Variants in PDE10A observed in about 807,000 individuals in gnomAD.
PDE10A encodes cAMP and cAMP-inhibited cGMP 3',5'-cyclic phosphodiesterase 10A.
PDE10A carries 39 observed loss-of-function variants against 97.7 expected under a neutral mutation model. That is an observed-to-expected ratio of 0.40 (90% CI 0.31 to 0.52). The LOEUF is 0.52. Ranked by LOEUF, PDE10A falls within the 20% of genes least tolerant of loss-of-function variation. The pLI is 0.56. For missense variants in PDE10A, 731 were observed against 1,047.8 expected (o/e 0.70, Z 4.17); for synonymous variants, 371 against 376.8 (o/e 0.98, Z 0.18).
chr6:165,758,862 A>T (rs768668934), intron 1 of PDE10A, among the ~76,000 whole-genome samples: 33 of 152,248 alleles, frequency 2.2e-4, no homozygotes, highest in Non-Finnish European at 4.0e-4. Context: ...ATGCATGCTC[A>T]TTTTTGCTTT....
Position 165,551,632 on chromosome 6 carries a change from G to A in PDE10A, c.866-8064C>T, listed in dbSNP as rs145434411. ...GGGTTGGAATGAAGATATAAGCCCA[G>A]GATGTCAGCTCTTAAGGCCAGACTG... On this transcript the variant is annotated intron_variant, in intron 1 of 21. Coordinates refer to ENST00000539869, the MANE Select transcript of PDE10A (RefSeq NM_001385079.1). Among the ~76,000 whole-genome samples the A allele has an allele frequency of 5.0e-3, 759 of 152,292 alleles. 8 individuals are homozygous for A. Among genetic ancestry groups the A allele is most frequent in the African/African-American group, 0.018 (731 of 41,564 alleles).
intron 3 of PDE10A, among the ~76,000 whole-genome samples, chr6:165,471,968 T>C (rs1054346938): frequency 1.3e-5 from 2 of 152,200 alleles, no homozygotes; most frequent in African/African-American, 2.4e-5. Flanking sequence ...AATACACTAA[T>C]TTTTGTGTCA....
intron 2 of PDE10A, among the ~76,000 whole-genome samples, chr6:165,494,343 A>T (rs777450277): frequency 3.9e-5 from 6 of 151,972 alleles, no homozygotes; most frequent in Non-Finnish European, 8.8e-5. Flanking sequence ...AAAAGAGGTC[A>T]TTATAGAAAA....
At chr6:165,483,507 A>T (rs907208574) in intron 2 of PDE10A, among the ~76,000 whole-genome samples, 3 of 152,164 alleles carry the variant, frequency 2.0e-5, no homozygotes, top group African/African-American at 7.2e-5. Flanking sequence ...TATTTCATTT[A>T]CTCTTCAACT....
At chr6:165,948,966 A>G (rs942320629) in intron 1 of PDE10A, 4 of 152,256 alleles carry the variant, frequency 2.6e-5, no homozygotes. Context: ...CCAGGAAGCC[A>G]TCGCATCTGT....
intron 1 of PDE10A, among the ~76,000 whole-genome samples, chr6:165,870,293 C>T (rs1030900508): frequency 6.6e-6 from 1 of 152,018 alleles, no homozygotes; most frequent in Non-Finnish European, 1.5e-5. Context: ...GGGCAAAGGA[C>T]CTGAATAAAT....
At chr6:165,816,919 G>C (rs529442203) in intron 1 of PDE10A, among the ~76,000 whole-genome samples, 13 of 152,238 alleles carry the variant, frequency 8.5e-5, no homozygotes, top group African/African-American at 3.1e-4. Context: ...TGATGGGTGC[G>C]GCACACTTAA....
intron 1 of PDE10A, among the ~76,000 whole-genome samples, chr6:165,574,158 T>C (rs1438559380): frequency 3.9e-5 from 6 of 152,114 alleles, no homozygotes; most frequent in African/African-American, 9.7e-5. Context: ...GTGAGTCTTT[T>C]AAAGGGGTGT....
At chr6:165,679,772 G>A (rs1315600236) in intron 1 of PDE10A, among the ~76,000 whole-genome samples, 1 of 152,128 alleles carries the variant, frequency 6.6e-6, no homozygotes, top group African/African-American at 2.4e-5. Flanking sequence ...AGATTTCCTG[G>A]GTCTAATTTA....
chr6:165,734,910 C>G (rs895968119), intron 1 of PDE10A, among the ~76,000 whole-genome samples: 1 of 151,968 alleles, frequency 6.6e-6, no homozygotes, highest in African/African-American at 2.4e-5. Flanking sequence ...CATTCGGATT[C>G]TGTATTAGGA....
At chr6:165,451,642 C>T (rs915912749) in intron 3 of PDE10A, among the ~76,000 whole-genome samples, 2 of 152,186 alleles carry the variant, frequency 1.3e-5, no homozygotes, top group Non-Finnish European at 2.9e-5. Context: ...AGGTCTATTA[C>T]TTGCTGTTTT....
chr6:165,696,023 G>A (rs763654510), intron 1 of PDE10A, among the ~76,000 whole-genome samples: 12 of 152,004 alleles, frequency 7.9e-5, no homozygotes, highest in Non-Finnish European at 1.2e-4. Flanking sequence ...CAGTACTAAT[G>A]TCACCCCAGG....
intron 1 of PDE10A, among the ~76,000 whole-genome samples, chr6:165,654,356 C>A (rs1789831258): frequency 6.6e-6 from 1 of 152,140 alleles, no homozygotes; most frequent in South Asian, 2.1e-4. Flanking sequence ...CAACCCCACC[C>A]CTGCTTCCCC....
intron 1 of PDE10A, among the ~76,000 whole-genome samples, chr6:165,741,297 T>G (rs887453390): frequency 2.0e-5 from 3 of 152,154 alleles, no homozygotes; most frequent in Non-Finnish European, 2.9e-5. Flanking sequence ...ATAAAGAAAC[T>G]GGATATATGT....
chr6:165,374,804 G>C (rs1312403707), intron 18 of PDE10A, among the ~76,000 whole-genome samples: 2 of 149,554 alleles, frequency 1.3e-5, no homozygotes, highest in Non-Finnish European at 3.0e-5. Flanking sequence ...CTTGGGTACA[G>C]CAATATCGGC....
intron 2 of PDE10A, among the ~76,000 whole-genome samples, chr6:165,523,359 A>G (rs1359282465): frequency 6.6e-6 from 1 of 152,162 alleles, no homozygotes; most frequent in Non-Finnish European, 1.5e-5. Context: ...ACACTATCCA[A>G]TTTCAAACTA....
At chr6:165,668,029 C>G (rs1453921206), upstream of PDE10A, among the ~76,000 whole-genome samples, 3 of 152,152 alleles carry the variant, frequency 2.0e-5, no homozygotes, top group Non-Finnish European at 4.4e-5. Context: ...ACAATGAGTT[C>G]TGTTTAAATA....
intron 4 of PDE10A, among the ~76,000 whole-genome samples, chr6:165,449,263 A>T (rs1791101137): frequency 1.3e-5 from 2 of 152,212 alleles, no homozygotes; most frequent in African/African-American, 4.8e-5. Context: ...TTTATTCAGA[A>T]TTATTGAATA....
intron 10 of PDE10A, among the ~76,000 whole-genome samples, chr6:165,423,073 T>C (rs773830099): frequency 6.6e-6 from 1 of 152,166 alleles, no homozygotes; most frequent in African/African-American, 2.4e-5. Flanking sequence ...GTCAGGGCTA[T>C]TGCTGCCATC....
Sources: gnomAD v4.1 joint callset for allele counts (sites outside exome capture counted in the v4.1 genomes callset) on GRCh38, gnomAD v4.1.1 for gene constraint, MANE v1.5 for transcripts, NCBI Gene and HGNC (gene_info 2026-07-23, HGNC 2026-07-21) for gene names.